Variants in PTPN13 observed in about 807,000 individuals in gnomAD.
PTPN13 encodes the protein tyrosine-protein phosphatase non-receptor type 13.
In PTPN13, 191 loss-of-function variants were observed where a neutral mutation model predicts 284.0. The ratio of observed to expected loss-of-function variants is 0.67; its 90% CI spans 0.60 to 0.76. PTPN13 has a LOEUF of 0.76. Ranked by LOEUF, PTPN13 falls within the 30% of genes least tolerant of loss-of-function variation. PTPN13 has a pLI of 0.00. For synonymous variants in PTPN13, 986 were observed against 1,022.3 expected (o/e 0.96, Z 0.68); for missense variants, 2,797 against 2,939.9 (o/e 0.95, Z 1.12).
intron 1 of PTPN13, among the ~76,000 whole-genome samples, chr4:86,611,074 T>C (rs1466603582): frequency 6.6e-6 from 1 of 152,214 alleles, no homozygotes; most frequent in Non-Finnish European, 1.5e-5. Context: ...CCTTTCATTG[T>C]CAAGTTCTGC....
At chr4:86,758,120 C>A in intron 20 of PTPN13, 140 bp from the exon 21 acceptor site, 1 of 509,204 alleles carries the variant, frequency 2.0e-6, no homozygotes, top group Non-Finnish European at 3.5e-6. Context: ...AAAATGTTAA[C>A]AGTATCAGTA....
rs1199563085 is a variant in PTPN13, at chr4:86,750,845, GATCTGATGCAGA to G, written c.3031_3042del (p.Asp1011_Ser1014del). ...GGAAAACCTTCTCACCAGATGTCAA[GATCTGATGCAGA>G]ATCTTTGGCAGGAGTGACAAAACTT... On this transcript the variant is annotated inframe_deletion, in exon 18 of 48. Transcript: ENST00000411767. 6.2e-7 allele frequency: 1 copy of G among 1,613,778 alleles called. No homozygotes were observed. The highest frequency in any genetic ancestry group is 1.1e-5 in the South Asian group (1 of 90,982).
intron 41 of PTPN13, 114 bp downstream of exon 41, chr4:86,797,043 T>C: frequency 1.4e-6 from 1 of 736,110 alleles, no homozygotes; most frequent in East Asian, 3.0e-5. Flanking sequence ...ATTATAAAAC[T>C]ATGGTTGAAT....
At chr4:86,670,171 C>CTTTT (rs201314867) in intron 2 of PTPN13, among the ~76,000 whole-genome samples, 1 of 110,270 alleles carries the variant, frequency 9.1e-6, no homozygotes. Flanking sequence ...TATCTTAATT[C>CTTTT]TTTTTTTTTT....
In PTPN13 at chr4:86,741,641, A is replaced by C. The variant is rs746882716; in HGVS notation, c.2312A>C (p.Gln771Pro). ...ATGGTATTATTCCAACAGGTCTGCC[A>C]AAGACTGACAGAATATGGAGTTCAT... Reference protein sequence around the residue: ...ETELEFLKVCQRLTEYGVHFH... With the variant: ...ETELEFLKVCPRLTEYGVHFH... The change falls in exon 16 of 48, where the codon CAA (glutamine) becomes CCA (proline). Residue 771 changes from glutamine (Q) to proline (P), a missense_variant. Coordinates refer to ENST00000411767, the MANE Select transcript of PTPN13 (RefSeq NM_080683.3). 18 of 1,612,812 alleles carry C rather than the reference A, an allele frequency of 1.1e-5. No homozygotes were observed. Among genetic ancestry groups the C allele is most frequent in the Non-Finnish European group, 1.5e-5 (18 of 1,179,084 alleles).
At chr4:86,635,553 T>A (rs1722921390) in intron 2 of PTPN13, among the ~76,000 whole-genome samples, 182 bp downstream of exon 2, 2 of 152,228 alleles carry the variant, frequency 1.3e-5, no homozygotes, top group Admixed American at 6.5e-5. Flanking sequence ...CTACATTCAT[T>A]TGAATATCTT....
chr4:86,762,926 TGA>T lies in PTPN13; in HGVS notation c.3757_3758del (p.Ser1253CysfsTer18). ...GCCTGAGTTCTCAAGATTCCAGGACTGAGAGTGCCAGCTTGTCTCAAAGCCAG... is the reference window on the plus strand; with the variant it reads ...GCCTGAGTTCTCAAGATTCCAGGACTGAGTGCCAGCTTGTCTCAAAGCCAG... ...GSLSSQDSRT[E>X]SASLSQSQVN... On this transcript the variant is annotated frameshift_variant, in exon 24 of 48. Coordinates refer to ENST00000411767, the MANE Select transcript of PTPN13 (RefSeq NM_080683.3). LOFTEE classifies it high-confidence loss of function. The T allele has an allele frequency of 6.2e-7, 1 of 1,613,896 alleles. No individual in the cohort carries two copies. Among genetic ancestry groups the T allele is most frequent in the Non-Finnish European group, 8.5e-7 (1 of 1,179,846 alleles).
chr4:86,743,484 A>T (rs977888018), intron 16 of PTPN13, among the ~76,000 whole-genome samples: 66 of 152,132 alleles, frequency 4.3e-4, no homozygotes, highest in African/African-American at 1.5e-3. Context: ...GGGGAAAAAA[A>T]AAATGTTCTC....
At chr4:86,633,425 C>T (rs986336185) in intron 1 of PTPN13, among the ~76,000 whole-genome samples, 7 of 152,128 alleles carry the variant, frequency 4.6e-5, no homozygotes, top group Non-Finnish European at 8.8e-5. Flanking sequence ...TCCACTAACT[C>T]CAGAGAACAT....
rs745756318 is a variant in PTPN13, at chr4:86,759,100, A to G, written c.3553+27A>G. On this transcript the variant is annotated intron_variant, in intron 23 of 47. Transcript: ENST00000411767. ...TAATGTGAATGTCTCTTACTTATGT[A>G]TTCTGTTTCACTTTTCTGTCTCATT... The G allele has an allele frequency of 9.9e-5, 158 of 1,600,932 alleles. 2 individuals carry two copies. In the Admixed American group the frequency reaches 2.7e-3, roughly 27 times the overall value.
intron 7 of PTPN13, among the ~76,000 whole-genome samples, chr4:86,712,492 T>C (rs141102253): frequency 6.6e-6 from 1 of 152,124 alleles, no homozygotes; most frequent in East Asian, 1.9e-4. Flanking sequence ...AAATTTATTA[T>C]TCATAAATTT....
intron 1 of PTPN13, among the ~76,000 whole-genome samples, chr4:86,609,947 A>C (rs956764899): frequency 6.6e-6 from 1 of 152,172 alleles, no homozygotes; most frequent in Non-Finnish European, 1.5e-5. Flanking sequence ...TTGTTTTTCT[A>C]GTTTTCTTTC....
chr4:86,730,778 G>A lies in PTPN13; in HGVS notation c.1609-1622G>A, dbSNP rs1366767823. 3.9e-5 allele frequency among the ~76,000 whole-genome samples: 5 copies of A among 128,692 alleles called. 2 individuals are homozygous for A. The highest frequency in any genetic ancestry group is 7.7e-5 in the Admixed American group (1 of 13,016). The allele number at this position is 128,692 out of a possible 152,430, so 84.4% of individuals were successfully genotyped here. On this transcript the variant is annotated intron_variant, in intron 10 of 47. Coordinates refer to ENST00000411767, the MANE Select transcript of PTPN13 (RefSeq NM_080683.3). ...GGCTTCCTGGGTGAGGTGATGCCCC[G>A]TCCGGCTTCAGCTCATCCTCCGATT... is the stretch of plus-strand genomic sequence containing the variant.
chr4:86,798,691 C>G (rs1282958019), intron 41 of PTPN13, among the ~76,000 whole-genome samples: 1 of 152,130 alleles, frequency 6.6e-6, no homozygotes, highest in East Asian at 1.9e-4. Flanking sequence ...TAGCAAAAGG[C>G]TATACCCATC....
At chr4:86,603,807 A>G (rs1012247242) in intron 1 of PTPN13, among the ~76,000 whole-genome samples, 6 of 152,130 alleles carry the variant, frequency 3.9e-5, no homozygotes, top group Non-Finnish European at 7.4e-5. Flanking sequence ...AGATGATGCT[A>G]ATAAAGTACC....
chr4:86,684,835 G>A (rs1452090109), intron 3 of PTPN13, among the ~76,000 whole-genome samples: 1 of 152,188 alleles, frequency 6.6e-6, no homozygotes, highest in Non-Finnish European at 1.5e-5. Context: ...ATTGATAGAA[G>A]TGGCCCAGAA....
At chr4:86,770,016 T>C in intron 29 of PTPN13, 33 bp downstream of exon 29, 1 of 1,612,328 alleles carries the variant, frequency 6.2e-7, no homozygotes, top group Non-Finnish European at 8.5e-7. Flanking sequence ...ATAGCATTTT[T>C]AATGATGAGA....
At chr4:86,784,678 T>C (rs894177582) in intron 38 of PTPN13, 120 bp downstream of exon 38, 8 of 645,396 alleles carry the variant, frequency 1.2e-5, no homozygotes, top group Non-Finnish European at 1.8e-5. Flanking sequence ...AAGGGAAAGA[T>C]TATTGGTCAA....
At chr4:86,807,472 C>G (rs1744775454) in intron 44 of PTPN13, 88 bp from the exon 45 acceptor site, 1 of 985,810 alleles carries the variant, frequency 1.0e-6, no homozygotes, top group Non-Finnish European at 1.5e-6. Flanking sequence ...ATGAGAATTT[C>G]TCATGATCTT....
Sources: gnomAD v4.1 joint callset for allele counts (sites outside exome capture counted in the v4.1 genomes callset) on GRCh38, gnomAD v4.1.1 for gene constraint, MANE v1.5 for transcripts, NCBI Gene and HGNC (gene_info 2026-07-23, HGNC 2026-07-21) for gene names.